The following ADAMTS3 variants were observed in gnomAD, a reference collection of about 807,000 sequenced individuals.
The protein encoded by ADAMTS3 is A disintegrin and metalloproteinase with thrombospondin motifs 3.
Under a neutral mutation model 129.0 loss-of-function variants are expected in ADAMTS3, and 73 were observed. The observed-to-expected ratio is 0.57, with a 90% CI of 0.47 to 0.69. ADAMTS3 has a LOEUF of 0.69. Among genes scored for constraint, ADAMTS3 ranks in the 30% least tolerant of loss-of-function variants. ADAMTS3 has a pLI of 0.00. For missense variants in ADAMTS3, 1,457 were observed against 1,514.5 expected, an observed-to-expected ratio of 0.96 and a Z score of 0.63; for synonymous variants, 477 against 510.8, an observed-to-expected ratio of 0.93 and a Z score of 0.89.
At chr4:72,332,156 A>G (rs772938527) in intron 5 of ADAMTS3, among the ~76,000 whole-genome samples, 6 of 152,210 alleles carry the variant, frequency 3.9e-5, no homozygotes, top group Non-Finnish European at 7.4e-5. Flanking sequence ...GCTACATGAT[A>G]TGCTAAGGTT....
At chr4:72,441,715 A>T (rs1411810270) in intron 3 of ADAMTS3, 1 of 151,788 alleles carries the variant, frequency 6.6e-6, no homozygotes, top group Non-Finnish European at 1.5e-5. Flanking sequence ...GGAAAAGGCT[A>T]AACAGAGCTG....
intron 4 of ADAMTS3, among the ~76,000 whole-genome samples, chr4:72,353,063 A>G (rs1720485376): frequency 6.6e-6 from 1 of 151,718 alleles, no homozygotes; most frequent in Admixed American, 6.6e-5. Context: ...ACAATAAATT[A>G]AGTGGTCATT....
At chr4:72,337,651 C>A (rs564721862) in intron 5 of ADAMTS3, among the ~76,000 whole-genome samples, 4 of 152,176 alleles carry the variant, frequency 2.6e-5, no homozygotes, top group Admixed American at 6.5e-5. Flanking sequence ...AAAGCCTTAC[C>A]CTCCTAAGTC....
At chr4:72,460,948 A>G (rs2109983594) in intron 3 of ADAMTS3, among the ~76,000 whole-genome samples, 1 of 151,836 alleles carries the variant, frequency 6.6e-6, no homozygotes, top group African/African-American at 2.4e-5. Context: ...TACTTATAAT[A>G]TCAATAAACC....
At chr4:72,407,758 G>A (rs1390935465) in intron 4 of ADAMTS3, among the ~76,000 whole-genome samples, 1 of 152,156 alleles carries the variant, frequency 6.6e-6, no homozygotes, top group Non-Finnish European at 1.5e-5. Flanking sequence ...GTGGGGGCAT[G>A]TAAGTGGTTA....
chr4:72,298,621 G>A (rs1273404241), intron 17 of ADAMTS3, among the ~76,000 whole-genome samples, 179 bp from the exon 18 acceptor site: 1 of 151,924 alleles, frequency 6.6e-6, no homozygotes, highest in Non-Finnish European at 1.5e-5. Context: ...TTAAGAAAAA[G>A]ATGAAGTATC....
At chr4:72,517,418 T>C (rs199547831) in intron 3 of ADAMTS3, among the ~76,000 whole-genome samples, 2 of 152,174 alleles carry the variant, frequency 1.3e-5, no homozygotes, top group Non-Finnish European at 2.9e-5. Flanking sequence ...ATGGTACCAG[T>C]TCCTCCTTGT....
intron 2 of ADAMTS3, among the ~76,000 whole-genome samples, chr4:72,564,161 T>G (rs928428777): frequency 2.6e-5 from 4 of 152,002 alleles, no homozygotes; most frequent in African/African-American, 9.7e-5. Flanking sequence ...CAATTCCAAG[T>G]GGGGTCGGGA....
intron 4 of ADAMTS3, among the ~76,000 whole-genome samples, chr4:72,351,994 C>G (rs982659147): frequency 1.3e-5 from 2 of 149,642 alleles, no homozygotes; most frequent in Non-Finnish European, 3.0e-5. Flanking sequence ...CAGTATGAAA[C>G]AGCTCACTCA....
rs1398764905 is a variant in ADAMTS3, at chr4:72,392,930, C to CT, written c.661+21884dup. Among the ~76,000 whole-genome samples the CT allele has an allele frequency of 5.9e-3, 633 of 107,658 alleles. 11 individuals carry two copies. Among genetic ancestry groups the CT allele is most frequent in the African/African-American group, 0.021 (606 of 28,340 alleles). The allele number at this position is 107,658 out of a possible 152,430, so 70.6% of individuals were successfully genotyped here. On this transcript the variant is annotated intron_variant, in intron 4 of 21. Coordinates refer to ENST00000286657, the MANE Select transcript of ADAMTS3 (RefSeq NM_014243.3). ...TACCCATCGGATTTTTTTTTTTTTT[C>CT]TTTTTTTTTTTCTGAGATGGAGTCT... is the stretch of plus-strand genomic sequence containing the variant.
chr4:72,568,870 A>G lies in ADAMTS3; in HGVS notation c.-108T>C. On this transcript the variant is annotated 5_prime_UTR_variant, in exon 1 of 22. Coordinates refer to ENST00000286657, the MANE Select transcript of ADAMTS3 (RefSeq NM_014243.3). The stretch of plus-strand genomic sequence containing the variant: ...TTAAGAAAAAAAGGAAAAGGGAAAA[A>G]ATGCGAAATAGAAAAAAATGATCTT... 1.2e-6 allele frequency: 1 copy of G among 815,056 alleles called. No individual in the cohort carries two copies. Among genetic ancestry groups the G allele is most frequent in the Non-Finnish European group, 2.0e-6 (1 of 505,898 alleles). The allele number at this position is 815,056 out of a possible 1,614,324, so 50.5% of individuals were successfully genotyped here.
intron 3 of ADAMTS3, among the ~76,000 whole-genome samples, chr4:72,484,394 C>T (rs1224935187): frequency 2.0e-5 from 3 of 152,138 alleles, no homozygotes; most frequent in Non-Finnish European, 2.9e-5. Context: ...GGGATCCTGA[C>T]CATCTATGTC....
chr4:72,348,807 C>G (rs186290376), intron 4 of ADAMTS3, among the ~76,000 whole-genome samples: 1 of 151,588 alleles, frequency 6.6e-6, no homozygotes, highest in African/African-American at 2.4e-5. Flanking sequence ...TGACAGTGAA[C>G]CACAGCCAAC....
At chr4:72,308,681 C>CTTTTATGAA (rs1719151709) in intron 15 of ADAMTS3, among the ~76,000 whole-genome samples, 1 of 151,888 alleles carries the variant, frequency 6.6e-6, no homozygotes, top group Non-Finnish European at 1.5e-5. Context: ...GTATACAAAT[C>CTTTTATGAA]TTTTATGAAA....
At chr4:72,291,464 C>T (rs913809279) in intron 19 of ADAMTS3, among the ~76,000 whole-genome samples, 2 of 147,314 alleles carry the variant, frequency 1.4e-5, no homozygotes, top group African/African-American at 5.0e-5. Flanking sequence ...TGTGTTCTCA[C>T]TGTTCAATTC....
intron 3 of ADAMTS3, among the ~76,000 whole-genome samples, chr4:72,452,784 A>T (rs566359127): frequency 3.0e-4 from 46 of 151,766 alleles, no homozygotes; most frequent in Admixed American, 9.9e-4. Context: ...CACTTCCTTC[A>T]AAGCATCTCT....
chr4:72,467,794 A>T (rs974766073), intron 3 of ADAMTS3, among the ~76,000 whole-genome samples: 6 of 152,000 alleles, frequency 3.9e-5, no homozygotes, highest in African/African-American at 1.4e-4. Flanking sequence ...CCACACTGTA[A>T]TCTTTTGCTA....
chr4:72,400,297 G>A (rs1240932111), intron 4 of ADAMTS3, among the ~76,000 whole-genome samples: 1 of 146,398 alleles, frequency 6.8e-6, no homozygotes, highest in Non-Finnish European at 1.5e-5. Context: ...GTGTATATAC[G>A]TGTGTATATA....
chr4:72,504,413 C>T (rs754064687), intron 3 of ADAMTS3, among the ~76,000 whole-genome samples: 3 of 152,216 alleles, frequency 2.0e-5, no homozygotes, highest in Non-Finnish European at 2.9e-5. Context: ...TCTTCTGGCT[C>T]GTAAGGTTTC....
Sources: allele counts gnomAD v4.1 joint callset (sites outside exome capture counted in the v4.1 genomes callset), GRCh38; gene constraint gnomAD v4.1.1; transcripts MANE v1.5; gene names NCBI Gene and HGNC (gene_info 2026-07-23, HGNC 2026-07-21).